Variants in SECTM1 observed in about 807,000 individuals in gnomAD.
SECTM1 encodes secreted and transmembrane protein 1.
A neutral mutation model predicts 18.1 loss-of-function variants in SECTM1; 10 were observed. The ratio of observed to expected loss-of-function variants is 0.55; its 90% CI spans 0.34 to 0.94. The LOEUF (loss-of-function observed/expected upper bound fraction) is 0.94. Ranked by LOEUF, SECTM1 falls within the 40% of genes least tolerant of loss-of-function variation. The pLI, the probability that SECTM1 is intolerant of heterozygous loss-of-function variation, is 0.02. For missense variants in SECTM1, 297 were observed against 322.6 expected (o/e 0.92, Z 0.61); for synonymous variants, 137 against 139.2 (o/e 0.98, Z 0.11).
rs375121326 is a variant in SECTM1, at chr17:82,324,595, C to A, written c.390G>T (p.Thr130=). 1.9e-6 allele frequency: 3 copies of A among 1,605,266 alleles called. No homozygotes were observed. In the South Asian group the frequency reaches 3.3e-5, roughly 18 times the overall value. The change falls in exon 3 of 5, where the codon ACG becomes ACT. Residue 130 remains threonine, a synonymous_variant. Coordinates refer to ENST00000269389, the MANE Select transcript of SECTM1 (RefSeq NM_003004.3). The stretch of plus-strand genomic sequence containing the variant: ...GCCTCCCCTCACCTGAAACCTCCAG[C>A]GTGACTTGTCTGTTATTTCTCTGGT... ...VGHQRNNRQV[T]LEVSGAEPQS... is the part of the protein sequence containing the mutation.
In SECTM1 at chr17:82,327,127, G is replaced by C; in HGVS notation, c.94+20C>G. On this transcript the variant is annotated intron_variant, in intron 2 of 4. Transcript: ENST00000269389. Reference sequence around the variant, plus strand: ...CGGGCCCCCCTTTCCCCAGCAGAGAGGCGGGGCCCCGAGACCTACCTTCAT... The same window carrying C: ...CGGGCCCCCCTTTCCCCAGCAGAGACGCGGGGCCCCGAGACCTACCTTCAT... 6.3e-7 allele frequency: 1 copy of C among 1,585,204 alleles called. No individual in the cohort carries two copies. The highest frequency in any genetic ancestry group is 8.6e-7 in the Non-Finnish European group (1 of 1,162,754).
Position 82,325,816 on chromosome 17 carries a change from G to A in SECTM1, c.95-926C>T, listed in dbSNP as rs1227152568. Among the ~76,000 whole-genome samples, 4 of 152,226 alleles carry A rather than the reference G, an allele frequency of 2.6e-5. No homozygotes were observed. The highest frequency in any genetic ancestry group is 5.9e-5 in the Non-Finnish European group (4 of 68,038). On this transcript the variant is annotated intron_variant, in intron 2 of 4. Coordinates refer to ENST00000269389, the MANE Select transcript of SECTM1 (RefSeq NM_003004.3). This position sits in a 1 kb window ranked among gnomAD's most constrained non-coding sequence, Gnocchi z 7.6. ...GTGACTGGACACGGACGGATGGACGGACAGACGGACGGCAGGGTGAGCTCT... is the reference window on the plus strand; with the variant it reads ...GTGACTGGACACGGACGGATGGACGAACAGACGGACGGCAGGGTGAGCTCT...
chr17:82,324,527 C>T, intron 3 of SECTM1, 55 bp downstream of exon 3: 1 of 829,204 alleles, frequency 1.2e-6, no homozygotes, highest in South Asian at 2.5e-5. Flanking sequence ...GCCCCCTCCC[C>T]TCCCCGTGTC....
chr17:82,323,181 G>A (rs1409563720), intron 3 of SECTM1, 170 bp from the exon 4 acceptor site: 2 of 718,800 alleles, frequency 2.8e-6, no homozygotes, highest in African/African-American at 1.8e-5. Context: ...GGAGCCAGGA[G>A]GAGAGGGGGC....
intron 1 of SECTM1, among the ~76,000 whole-genome samples, chr17:82,327,816 G>T (rs191724791): frequency 5.9e-5 from 9 of 152,142 alleles, no homozygotes. Flanking sequence ...CTGTCTCCTC[G>T]TGGGTCCTGT....
At position 82,322,973 on chromosome 17, in the gene SECTM1, G is replaced by T. The variant is rs756590833; in HGVS notation, c.442C>A (p.Pro148Thr). Residue 148 changes from proline to threonine, a missense_variant, in exon 4 of 5, where the codon CCT (proline) becomes ACT (threonine). Pro to Thr is a conservative substitution (Grantham distance 38, BLOSUM62 -1). Coordinates refer to ENST00000269389, the MANE Select transcript of SECTM1 (RefSeq NM_003004.3). Reference protein sequence around the residue: ...PQSAPDTGFWPVPAVVTAVFI... With the variant: ...PQSAPDTGFWTVPAVVTAVFI... ...ACAGCAGTGACCACCGCTGGCACAGGCCAGAACCCAGTGTCGGGGGCGGAC... is the reference window on the plus strand; with the variant it reads ...ACAGCAGTGACCACCGCTGGCACAGTCCAGAACCCAGTGTCGGGGGCGGAC... The T allele has an allele frequency of 1.9e-6, 3 of 1,613,744 alleles. No individual in the cohort carries two copies. The highest frequency in any genetic ancestry group is 2.5e-6 in the Non-Finnish European group (3 of 1,179,900).
chr17:82,322,499 A>T (rs964829312), intron 4 of SECTM1, 129 bp from the exon 5 acceptor site: 21 of 904,862 alleles, frequency 2.3e-5, no homozygotes, highest in Non-Finnish European at 3.4e-5. Context: ...GCACACTCCC[A>T]GCCCTCGCCT....
rs1406506760 is a variant in SECTM1, at chr17:82,328,979, A to G, written c.-52-1687T>C. On this transcript the variant is annotated intron_variant, in intron 1 of 4. Coordinates refer to ENST00000269389, the MANE Select transcript of SECTM1 (RefSeq NM_003004.3). This position sits in a 1 kb window ranked among gnomAD's most constrained non-coding sequence, Gnocchi z 5.8. ...CTGTAAAGCGACCTTCAGACGTGCTATTTATAGATGTCTATAGATTTATAG... is the reference window on the plus strand; with the variant it reads ...CTGTAAAGCGACCTTCAGACGTGCTGTTTATAGATGTCTATAGATTTATAG... 2.6e-5 allele frequency among the ~76,000 whole-genome samples: 4 copies of G among 152,202 alleles called. No individual in the cohort carries two copies. The highest frequency in any genetic ancestry group is 5.9e-5 in the Non-Finnish European group (4 of 68,022).
At position 82,324,868 on chromosome 17, in the gene SECTM1, T is replaced by C. The variant is rs146652780; in HGVS notation, c.117A>G (p.Thr39=). The C allele has an allele frequency of 4.0e-3, 6,482 of 1,612,662 alleles. 27 individuals are homozygous for C. Among genetic ancestry groups the C allele is most frequent in the Non-Finnish European group, 4.9e-3 (5,762 of 1,179,214 alleles). Reference sequence around the variant, plus strand: ...CCCAAGACACAGAGACTACCCCCTCTGTGCAGATGGGGCTGTCCCAGCCTG... The same window carrying C: ...CCCAAGACACAGAGACTACCCCCTCCGTGCAGATGGGGCTGTCCCAGCCTG... ...QNEGWDSPIC[T]EGVVSVSWGE... The change falls in exon 3 of 5, where the codon ACA becomes ACG. Residue 39 remains threonine, a synonymous_variant. Transcript: ENST00000269389.
chr17:82,332,469 T>C (rs1195482149), intron 1 of SECTM1, among the ~76,000 whole-genome samples: 1 of 152,206 alleles, frequency 6.6e-6, no homozygotes, highest in Admixed American at 6.5e-5. Context: ...GGGGTCCTCC[T>C]GTGTGGTCAG....
chr17:82,323,062 C>T lies in SECTM1; in HGVS notation c.404-51G>A, dbSNP rs534501353. On this transcript the variant is annotated intron_variant, in intron 3 of 4. Coordinates refer to ENST00000269389, the MANE Select transcript of SECTM1 (RefSeq NM_003004.3). ...CAGGTGGGCTGGGCATCCCCCACCC[C>T]CTACCTCCTCCGTGTAGCTCCCAGC... is the stretch of plus-strand genomic sequence containing the variant. 2.2e-4 allele frequency: 339 copies of T among 1,555,482 alleles called. 4 individuals are homozygous for T. The highest frequency in any genetic ancestry group is 1.9e-3 in the East Asian group (80 of 42,612).
rs2147267728 is a variant in SECTM1 at position 82,325,127 on chromosome 17, C to G, written c.95-237G>C. 6.6e-6 allele frequency among the ~76,000 whole-genome samples: 1 copy of G among 152,284 alleles called. No homozygotes were observed. Among genetic ancestry groups the G allele is most frequent in the East Asian group, 1.9e-4 (1 of 5,180 alleles). On this transcript the variant is annotated intron_variant, in intron 2 of 4. Transcript: ENST00000269389. This position sits in a 1 kb window ranked among gnomAD's most constrained non-coding sequence, Gnocchi z 7.6. Reference sequence around the variant, plus strand: ...ATGTGTGTGTGTGTGCGTGCTCACACCCACGTCTGTTCCTTGGGGTGTGTC... The same window carrying G: ...ATGTGTGTGTGTGTGCGTGCTCACAGCCACGTCTGTTCCTTGGGGTGTGTC...
At position 82,322,252 on chromosome 17, in the gene SECTM1, C is replaced by T. The variant is rs779357787; in HGVS notation, c.656G>A (p.Arg219Lys). 1 of 1,608,738 alleles carries T rather than the reference C, an allele frequency of 6.2e-7. No homozygotes were observed. The highest frequency in any genetic ancestry group is 8.5e-7 in the Non-Finnish European group (1 of 1,176,194). Residue 219 changes from arginine (R) to lysine (K), a missense_variant, in exon 5 of 5, where the codon AGG becomes AAG. Transcript: ENST00000269389. ...GGGTTTGAACACCAGTGCCAGCGGC[C>T]TTGGGGTGGGCTCGGAGTCTGGGGT... Reference protein sequence around the residue: ...LWTPDSEPTPRPLALVFKPSP... With the variant: ...LWTPDSEPTPKPLALVFKPSP...
At chr17:82,323,277 A>G in intron 3 of SECTM1, 1 of 484,406 alleles carries the variant, frequency 2.1e-6, no homozygotes, top group Non-Finnish European at 3.7e-6. Context: ...GCCAGGTCCC[A>G]GGAGCTGCGC....
At chr17:82,333,628 GTCCCCA>G (rs2052211477) in intron 1 of SECTM1, 66 bp downstream of exon 1, 1 of 175,614 alleles carries the variant, frequency 5.7e-6, no homozygotes, top group Non-Finnish European at 1.2e-5. Context: ...CCAGCACCGA[GTCCCCA>G]GCACCGAGTC....
rs756602234 is a variant in SECTM1, at chr17:82,322,907, T to A, written c.508A>T (p.Arg170Trp). The A allele has an allele frequency of 6.2e-7, 1 of 1,613,712 alleles. No homozygotes were observed. Among genetic ancestry groups the A allele is most frequent in the African/African-American group, 1.3e-5 (1 of 74,896 alleles). The part of the protein sequence containing the change: ...LVALVMFAWY[R>W]CRCSQQRREK... ...CGGCGTTGCTGGGAACAGCGGCACC[T>A]GTACCAGGCGAACATGACCAGAGCG... is the stretch of plus-strand genomic sequence containing the variant. The change falls in exon 4 of 5, where the codon AGG (arginine) becomes TGG (tryptophan). Residue 170 changes from arginine (R) to tryptophan (W), a missense_variant. Arg to Trp is a moderately radical substitution (Grantham distance 101). Coordinates refer to ENST00000269389, the MANE Select transcript of SECTM1 (RefSeq NM_003004.3).
At chr17:82,322,766 C>CCA in intron 4 of SECTM1, 112 bp downstream of exon 4, 1 of 1,335,544 alleles carries the variant, frequency 7.5e-7, no homozygotes, top group South Asian at 1.4e-5. Flanking sequence ...GGTGCTCCCC[C>CCA]CACCCTCTCC....
At chr17:82,331,375 G>A (rs537087669) in intron 1 of SECTM1, among the ~76,000 whole-genome samples, 14 of 152,228 alleles carry the variant, frequency 9.2e-5, no homozygotes, top group African/African-American at 2.6e-4. Context: ...AGGTGTCAGC[G>A]ACTTTGGGTT....
chr17:82,332,854 G>A (rs980253375), intron 1 of SECTM1, among the ~76,000 whole-genome samples: 8 of 152,314 alleles, frequency 5.3e-5, no homozygotes, highest in African/African-American at 1.7e-4. Context: ...CACCACCCCC[G>A]CCCTGCTGGA....
Sources: allele counts gnomAD v4.1 joint callset (sites outside exome capture counted in the v4.1 genomes callset), GRCh38; gene constraint gnomAD v4.1.1; non-coding constraint Gnocchi (gnomAD v3.1); transcripts MANE v1.5; gene names NCBI Gene and HGNC (gene_info 2026-07-23, HGNC 2026-07-21).